Variants in SOCS5 observed in about 807,000 individuals in gnomAD.
The protein encoded by SOCS5 is CIS-6.
A neutral mutation model predicts 42.8 loss-of-function variants in SOCS5; 32 were observed. The ratio of observed to expected loss-of-function variants is 0.75; its 90% CI spans 0.56 to 1.01. The LOEUF (loss-of-function observed/expected upper bound fraction) is 1.01, where lower values mean the gene tolerates loss of function less well. Among genes scored for constraint, SOCS5 ranks in the 50% least tolerant of loss-of-function variants. The pLI, the probability that SOCS5 is intolerant of heterozygous loss-of-function variation, is 0.00. For missense variants in SOCS5, 627 were observed against 653.0 expected, an observed-to-expected ratio of 0.96 and a Z score of 0.43; for synonymous variants, 283 against 229.6, an observed-to-expected ratio of 1.23 and a Z score of -2.10.
chr2:46,727,043 A>G (rs1449473995), intron 1 of SOCS5, among the ~76,000 whole-genome samples: 1 of 151,408 alleles, frequency 6.6e-6, no homozygotes, highest in African/African-American at 2.4e-5. Flanking sequence ...GGCATGAGCC[A>G]TTGTGCCCAG....
chr2:46,731,271 T>A (rs563009081), intron 1 of SOCS5, among the ~76,000 whole-genome samples: 1 of 152,286 alleles, frequency 6.6e-6, no homozygotes, highest in African/African-American at 2.4e-5. Context: ...TGTACGGAGC[T>A]GAAAAGATGA....
Position 46,730,642 on chromosome 2 carries a change from C to G in SOCS5, c.-12-27877C>G, listed in dbSNP as rs141927581. 1.0e-3 allele frequency among the ~76,000 whole-genome samples: 156 copies of G among 152,210 alleles called. 2 individuals are homozygous for G. Among genetic ancestry groups the G allele is most frequent in the Middle Eastern group, 3.4e-3 (1 of 294 alleles). On this transcript the variant is annotated intron_variant, in intron 1 of 1. Coordinates refer to ENST00000394861, the MANE Select transcript of SOCS5 (RefSeq NM_144949.3). ...CATATTTGGAGAATGGGTCCTATTT[C>G]ATACAATTTTTTCCCATGAAATATT...
chr2:46,711,795 T>G (rs1307847966), intron 1 of SOCS5, among the ~76,000 whole-genome samples: 4 of 152,218 alleles, frequency 2.6e-5, no homozygotes, highest in Non-Finnish European at 4.4e-5. Flanking sequence ...TGGTTAAGAT[T>G]AGATTTTTGC....
Position 46,718,768 on chromosome 2 carries a change from T to C in SOCS5, c.-13+19319T>C, listed in dbSNP as rs576057515. Among the ~76,000 whole-genome samples, 10 of 152,296 alleles carry C rather than the reference T, an allele frequency of 6.6e-5. No individual in the cohort carries two copies. The South Asian group carries it at 1.9e-3, about 28-fold the overall frequency. On this transcript the variant is annotated intron_variant, in intron 1 of 1. Coordinates refer to ENST00000394861, the MANE Select transcript of SOCS5 (RefSeq NM_144949.3). ...CAGAAAAAGCCGAAGAGCTTAGAGT[T>C]ATGATATCAATAATTGTGTGCTCCA...
chr2:46,701,707 TGTTAGC>T (rs1672347147), intron 1 of SOCS5, among the ~76,000 whole-genome samples: 1 of 150,946 alleles, frequency 6.6e-6, no homozygotes, highest in Admixed American at 6.6e-5. Flanking sequence ...TATGCTGCAT[TGTTAGC>T]GTTAGTGCTG....
At chr2:46,702,348 T>C (rs981407474) in intron 1 of SOCS5, among the ~76,000 whole-genome samples, 2 of 152,232 alleles carry the variant, frequency 1.3e-5, no homozygotes, top group African/African-American at 4.8e-5. Flanking sequence ...ATTTTTGGTA[T>C]TGCTCTCCTT....
chr2:46,711,180 G>T (rs1337857994), intron 1 of SOCS5, among the ~76,000 whole-genome samples: 1 of 152,184 alleles, frequency 6.6e-6, no homozygotes, highest in Non-Finnish European at 1.5e-5. Context: ...AAGTGGAATT[G>T]CTGGGTTTTA....
chr2:46,717,558 A>G (rs549166292), intron 1 of SOCS5, among the ~76,000 whole-genome samples: 2 of 151,974 alleles, frequency 1.3e-5, no homozygotes, highest in East Asian at 3.9e-4. Flanking sequence ...TAAGGTCATC[A>G]TTTCGTAATC....
chr2:46,721,762 T>A (rs537893840), intron 1 of SOCS5, among the ~76,000 whole-genome samples: 2 of 152,296 alleles, frequency 1.3e-5, no homozygotes, highest in East Asian at 3.9e-4. Flanking sequence ...TTTGTTGTAC[T>A]GATTTGCTGT....
rs1460338372 is a variant in SOCS5, at chr2:46,708,690, T to C, written c.-13+9241T>C. Among the ~76,000 whole-genome samples the C allele has an allele frequency of 2.0e-5, 3 of 152,124 alleles. No individual in the cohort carries two copies. In the East Asian group the frequency reaches 5.8e-4, roughly 29 times the overall value. On this transcript the variant is annotated intron_variant, in intron 1 of 1. Transcript: ENST00000394861. ...TGCCAGAAAGCCAGAAATATTTGAG[T>C]GTCCTTGAAACACTGTACCAGTTGG...
intron 1 of SOCS5, among the ~76,000 whole-genome samples, chr2:46,757,464 G>T (rs528910385): frequency 1.3e-5 from 2 of 152,180 alleles, no homozygotes; most frequent in East Asian, 1.9e-4. Context: ...ATGCCAAATT[G>T]TATGTTTTTG....
In SOCS5 at chr2:46,761,086, A is replaced by C. The variant is rs1673858333; in HGVS notation, c.*945A>C. 1 of 167,116 alleles carries C rather than the reference A, an allele frequency of 6.0e-6. No individual in the cohort carries two copies. The highest frequency in any genetic ancestry group is 2.1e-4 in the South Asian group (1 of 4,834). 10.4% of individuals were successfully genotyped at this position (167,116 alleles called of 1,614,324 possible). On this transcript the variant is annotated 3_prime_UTR_variant, in exon 2 of 2. Transcript: ENST00000394861. ...ATTAATAATTTGGATGGCAGAATTT[A>C]TCTCTTTTTTGTAAACTCTCATAAC...
At chr2:46,743,692 T>C (rs1350572948) in intron 1 of SOCS5, among the ~76,000 whole-genome samples, 1 of 152,170 alleles carries the variant, frequency 6.6e-6, no homozygotes, top group Non-Finnish European at 1.5e-5. Context: ...CTCAGTATGG[T>C]TCACATGCCT....
chr2:46,748,408 A>G (rs1454291488), intron 1 of SOCS5, among the ~76,000 whole-genome samples: 1 of 152,002 alleles, frequency 6.6e-6, no homozygotes, highest in African/African-American at 2.4e-5. Context: ...GCTGGTCTCA[A>G]ACTCCTGGGC....
intron 1 of SOCS5, among the ~76,000 whole-genome samples, chr2:46,714,450 T>G (rs1170350349): frequency 6.6e-6 from 1 of 152,230 alleles, no homozygotes; most frequent in Non-Finnish European, 1.5e-5. Context: ...GATACAAACT[T>G]TTCTTTTGAT....
At chr2:46,712,381 T>G (rs553854921) in intron 1 of SOCS5, among the ~76,000 whole-genome samples, 1 of 142,656 alleles carries the variant, frequency 7.0e-6, no homozygotes, top group South Asian at 2.4e-4. Context: ...TCTCGCTCTG[T>G]TGCCCAGGCT....
chr2:46,709,818 A>G (rs1672576308), intron 1 of SOCS5, among the ~76,000 whole-genome samples: 1 of 152,236 alleles, frequency 6.6e-6, no homozygotes, highest in African/African-American at 2.4e-5. Context: ...CAACTGTTAT[A>G]GTTTATGATG....
Position 46,759,409 on chromosome 2 carries a change from T to A in SOCS5, c.879T>A (p.Val293=). 6.2e-7 allele frequency: 1 copy of A among 1,613,968 alleles called. No individual in the cohort carries two copies. Among genetic ancestry groups the A allele is most frequent in the Middle Eastern group, 1.7e-4 (1 of 6,054 alleles). The change falls in exon 2 of 2, where the codon GTT becomes GTA. Residue 293 remains valine (V), a synonymous_variant. Coordinates refer to ENST00000394861, the MANE Select transcript of SOCS5 (RefSeq NM_144949.3). ...QIHTFEATAQ[V]NPLYKLGPKL... ...ATACATTTGAAGCTACTGCACAGGTTAATCCATTATATAAACTGGGACCAA... is the reference window on the plus strand; with the variant it reads ...ATACATTTGAAGCTACTGCACAGGTAAATCCATTATATAAACTGGGACCAA...
At chr2:46,730,159 G>T (rs1365265770) in intron 1 of SOCS5, among the ~76,000 whole-genome samples, 1 of 152,116 alleles carries the variant, frequency 6.6e-6, no homozygotes, top group East Asian at 1.9e-4. Context: ...TATATGTAAA[G>T]AAATCAATCT....
Sources: gnomAD v4.1 joint callset for allele counts (sites outside exome capture counted in the v4.1 genomes callset) on GRCh38, gnomAD v4.1.1 for gene constraint, MANE v1.5 for transcripts, NCBI Gene and HGNC (gene_info 2026-07-23, HGNC 2026-07-21) for gene names.